Variants in FRMD6 observed in about 807,000 individuals in gnomAD.
FRMD6 encodes FERM domain containing 6, also known as FERM domain-containing protein 6.
FRMD6 carries 37 observed loss-of-function variants against 73.2 expected under a neutral mutation model. The observed-to-expected ratio is 0.51, with a 90% confidence interval of 0.39 to 0.66. The LOEUF is 0.66. Ranked by LOEUF, FRMD6 falls within the 30% of genes least tolerant of loss-of-function variation. The pLI is 0.00. For missense variants in FRMD6, 714 were observed against 780.5 expected (o/e 0.91, Z 1.02); for synonymous variants, 273 against 282.2 (o/e 0.97, Z 0.33).
intron 1 of FRMD6, among the ~76,000 whole-genome samples, chr14:51,552,011 A>G (rs183076309): frequency 3.3e-5 from 5 of 152,310 alleles, no homozygotes; most frequent in Non-Finnish European, 5.9e-5. Flanking sequence ...TATTGTTTAA[A>G]CAAATCAATG....
At chr14:51,477,022 G>C in the FRMD6 span, among the ~76,000 whole-genome samples, 1 of 152,192 alleles carries the variant, frequency 6.6e-6, no homozygotes, top group Middle Eastern at 3.2e-3. Context: ...TCTAATCTAG[G>C]AGTTACATTT....
At chr14:51,713,026 A>T (rs1447981361) in intron 9 of FRMD6, among the ~76,000 whole-genome samples, 2 of 152,176 alleles carry the variant, frequency 1.3e-5, no homozygotes, top group Non-Finnish European at 2.9e-5. Context: ...TACTCTTACA[A>T]TATTGAGAAT....
chr14:51,572,136 TTC>T (rs1329048434), intron 2 of FRMD6, among the ~76,000 whole-genome samples: 17 of 152,382 alleles, frequency 1.1e-4, no homozygotes, highest in African/African-American at 4.1e-4. Context: ...AAAAGCATCA[TTC>T]ATAGCCTATC....
chr14:51,409,658 G>A, the FRMD6 span, among the ~76,000 whole-genome samples: 6 of 152,110 alleles, frequency 3.9e-5, 1 homozygote, highest in South Asian at 1.2e-3. Flanking sequence ...GGGTGCAGTG[G>A]TACAATTTTG....
intron 1 of FRMD6, among the ~76,000 whole-genome samples, chr14:51,549,797 G>A (rs1447424936): frequency 6.6e-6 from 1 of 151,630 alleles, no homozygotes; most frequent in East Asian, 1.9e-4. Flanking sequence ...GGGTTTCACC[G>A]TGTTAGCCAG....
At chr14:51,691,582 ATTTTGATTTTTTT>A (rs1895573114) in intron 2 of FRMD6, among the ~76,000 whole-genome samples, 1 of 105,568 alleles carries the variant, frequency 9.5e-6, no homozygotes, top group Non-Finnish European at 2.1e-5. Flanking sequence ...ATTTATTTTG[ATTTTGATTTTTTT>A]TTTTTTTTTT....
chr14:51,501,098 A>T (rs796811602), intron 1 of FRMD6, among the ~76,000 whole-genome samples: 18 of 152,194 alleles, frequency 1.2e-4, no homozygotes, highest in African/African-American at 4.1e-4. Context: ...TTGGGCTTAG[A>T]ATTATACTAT....
the FRMD6 span, among the ~76,000 whole-genome samples, chr14:51,482,030 T>C: frequency 2.4e-4 from 36 of 152,334 alleles, no homozygotes; most frequent in African/African-American, 7.9e-4. Flanking sequence ...TCAGCGCTTA[T>C]TGTTTTTCAA....
At chr14:51,474,276 G>A in the FRMD6 span, among the ~76,000 whole-genome samples, 1 of 152,216 alleles carries the variant, frequency 6.6e-6, no homozygotes, top group Non-Finnish European at 1.5e-5. Context: ...AGAGACAGGA[G>A]TTGGAAATTT....
the FRMD6 span, among the ~76,000 whole-genome samples, chr14:51,439,607 A>G: frequency 6.6e-6 from 1 of 152,290 alleles, no homozygotes; most frequent in East Asian, 1.9e-4. Flanking sequence ...TAACGTGTTC[A>G]CTAGGTCACA....
intron 2 of FRMD6, among the ~76,000 whole-genome samples, chr14:51,597,321 A>G (rs537631112): frequency 1.1e-4 from 16 of 152,378 alleles, no homozygotes; most frequent in African/African-American, 2.2e-4. Context: ...CTATTTCAGC[A>G]TAAGGAGATT....
At chr14:51,438,131 AG>A in the FRMD6 span, among the ~76,000 whole-genome samples, 1 of 152,232 alleles carries the variant, frequency 6.6e-6, no homozygotes, top group Non-Finnish European at 1.5e-5. Context: ...GTTTGGGTTA[AG>A]TGGGCATTTT....
chr14:51,693,802 T>C (rs927025618), intron 2 of FRMD6, among the ~76,000 whole-genome samples: 1 of 152,178 alleles, frequency 6.6e-6, no homozygotes, highest in African/African-American at 2.4e-5. Flanking sequence ...CACAAGCATG[T>C]AGACTCACTA....
chr14:51,446,031 A>G, the FRMD6 span, among the ~76,000 whole-genome samples: 1 of 152,224 alleles, frequency 6.6e-6, no homozygotes, highest in African/African-American at 2.4e-5. Context: ...CCACTGTCAC[A>G]GAACTGACAG....
chr14:51,397,701 GC>G, the FRMD6 span, among the ~76,000 whole-genome samples: 4 of 152,154 alleles, frequency 2.6e-5, no homozygotes, highest in Non-Finnish European at 5.9e-5. Context: ...AATGTTTTGA[GC>G]ACTGACATCG....
At chr14:51,619,837 GAA>G (rs548475600) in intron 2 of FRMD6, among the ~76,000 whole-genome samples, 1 of 151,748 alleles carries the variant, frequency 6.6e-6, no homozygotes, top group Non-Finnish European at 1.5e-5. Context: ...TACTCCATGA[GAA>G]AAAAAAGTTA....
chr14:51,490,616 T>TTGTGTGTGTGTGTGTGTGTGTGTG lies in FRMD6; in HGVS notation c.-210+1215_-210+1216insGTGTGTGTGTGTGTGTGTGTGTGT, dbSNP rs58046471. ...GTCCTGGACGATATATGTGTGTATT[T>TTGTGTGTGTGTGTGTGTGTGTGTG]TGTGTGTGTGTGTGTGTGTATAAAA... On this transcript the variant is annotated intron_variant, in intron 1 of 14. Transcript: ENST00000356218. 1.6e-3 allele frequency among the ~76,000 whole-genome samples: 230 copies of TTGTGTGTGTGTGTGTGTGTGTGTG among 148,126 alleles called. 1 individual carries two copies. The highest frequency in any genetic ancestry group is 3.3e-3 in the South Asian group (15 of 4,568).
the FRMD6 span, among the ~76,000 whole-genome samples, chr14:51,397,924 C>T: frequency 6.6e-6 from 1 of 152,062 alleles, no homozygotes; most frequent in Non-Finnish European, 1.5e-5. Context: ...GTCAAATATT[C>T]GAAAACCCAA....
chr14:51,478,350 C>T, the FRMD6 span, among the ~76,000 whole-genome samples: 1 of 152,208 alleles, frequency 6.6e-6, no homozygotes, highest in South Asian at 2.1e-4. Context: ...AAGAAAAGCG[C>T]TGGCATCAGT....
Sources: allele counts gnomAD v4.1 joint callset (sites outside exome capture counted in the v4.1 genomes callset), GRCh38; gene constraint gnomAD v4.1.1; transcripts MANE v1.5; gene names NCBI Gene and HGNC (gene_info 2026-07-23, HGNC 2026-07-21).